The following IL17RD variants were observed in gnomAD, a reference collection of about 807,000 sequenced individuals.
The protein encoded by IL17RD is interleukin 17 receptor D.
A neutral mutation model predicts 80.5 loss-of-function variants in IL17RD; 52 were observed. That is an observed-to-expected ratio of 0.65 (90% confidence interval 0.52 to 0.81). IL17RD has a LOEUF of 0.81. Ranked by LOEUF, IL17RD falls within the 40% of genes least tolerant of loss-of-function variation. The probability of loss-of-function intolerance (pLI) is 0.00; values close to 1 mark genes in which losing one functional copy is unlikely to be tolerated. For missense variants in IL17RD, 1,024 were observed against 955.1 expected (o/e 1.07, Z -0.95); for synonymous variants, 416 against 391.8 (o/e 1.06, Z -0.73).
intron 1 of IL17RD, among the ~76,000 whole-genome samples, chr3:57,145,869 T>C (rs986689376): frequency 7.9e-5 from 12 of 152,204 alleles, no homozygotes; most frequent in African/African-American, 2.7e-4. Flanking sequence ...ATCACACATG[T>C]CACAGTGACC....
At chr3:57,117,969 T>A (rs1579280381) in intron 2 of IL17RD, among the ~76,000 whole-genome samples, 1 of 152,096 alleles carries the variant, frequency 6.6e-6, no homozygotes, top group Non-Finnish European at 1.5e-5. Context: ...GGGCCAAATA[T>A]TTGGTATTAT....
At chr3:57,147,724 T>C (rs1707961568) in intron 1 of IL17RD, among the ~76,000 whole-genome samples, 1 of 152,122 alleles carries the variant, frequency 6.6e-6, no homozygotes, top group South Asian at 2.1e-4. Flanking sequence ...CCACTAAAAG[T>C]GACATGTCTG....
intron 6 of IL17RD, 24 bp downstream of exon 6, chr3:57,106,086 A>G (rs1427454469): frequency 1.9e-6 from 3 of 1,610,940 alleles, no homozygotes; most frequent in African/African-American, 1.3e-5. Flanking sequence ...TTGAGACTTG[A>G]TAGATAAGAA....
rs1706628168 is a variant in IL17RD at position 57,094,597 on chromosome 3, G to A, written c.*1796C>T. On this transcript the variant is annotated 3_prime_UTR_variant, in exon 13 of 13. Coordinates refer to ENST00000296318, the MANE Select transcript of IL17RD (RefSeq NM_017563.5). Reference sequence around the variant, plus strand: ...ACTCCTAATGGTTCCTCTGGGACAGGAAACATCTCTTGGCCTCAATAAGAA... The same window carrying A: ...ACTCCTAATGGTTCCTCTGGGACAGAAAACATCTCTTGGCCTCAATAAGAA... The A allele has an allele frequency of 6.6e-6, 1 of 152,166 alleles. No homozygotes were observed. The allele number at this position is 152,166 out of a possible 1,614,324, so 9.4% of individuals were successfully genotyped here.
intron 2 of IL17RD, among the ~76,000 whole-genome samples, chr3:57,115,837 A>G (rs1402540615): frequency 6.6e-6 from 1 of 152,288 alleles, no homozygotes; most frequent in African/African-American, 2.4e-5. Context: ...ACCCCTCTGA[A>G]GCCAGGGTGT....
chr3:57,109,257 TCCTGCCTTAGCCTCCCGAGTAGTG>T (rs1707036799), intron 5 of IL17RD, among the ~76,000 whole-genome samples: 1 of 152,126 alleles, frequency 6.6e-6, no homozygotes, highest in African/African-American at 2.4e-5. Flanking sequence ...CAAGCAATTC[TCCTGCCTTAGCCTCCCGAGTAGTG>T]GGATTACAGG....
rs762329703 is a variant in IL17RD, at chr3:57,103,076, C to CA, written c.868+14dup. On this transcript the variant is annotated intron_variant, in intron 9 of 12. Coordinates refer to ENST00000296318, the MANE Select transcript of IL17RD (RefSeq NM_017563.5). ...TAGTAGTCTAGAGCCAAATTTCAAA[C>CA]AAAAAAGCACCTACCTGGCTTTAAG... 1 of 1,581,584 alleles carries CA rather than the reference C, an allele frequency of 6.3e-7. No homozygotes were observed.
In IL17RD at chr3:57,094,279, C is replaced by T. The variant is rs1463643649; in HGVS notation, c.*2114G>A. On this transcript the variant is annotated 3_prime_UTR_variant, in exon 13 of 13. Coordinates refer to ENST00000296318, the MANE Select transcript of IL17RD (RefSeq NM_017563.5). ...TTCTCAATTTATTCTGAGGCAATCACACTATGGTTTCATTACTCGGTATAT... is the reference window on the plus strand; with the variant it reads ...TTCTCAATTTATTCTGAGGCAATCATACTATGGTTTCATTACTCGGTATAT... The T allele has an allele frequency of 6.6e-6, 1 of 152,174 alleles. No individual in the cohort carries two copies. The highest frequency in any genetic ancestry group is 1.9e-4 in the East Asian group (1 of 5,202). 9.4% of individuals were successfully genotyped at this position (152,174 alleles called of 1,614,324 possible). A position where few individuals can be genotyped will look rare whatever the true frequency, so the allele number is the denominator to read the frequency against.
At chr3:57,099,118 C>CA (rs1302334095) in intron 11 of IL17RD, among the ~76,000 whole-genome samples, 1 of 152,238 alleles carries the variant, frequency 6.6e-6, no homozygotes, top group Non-Finnish European at 1.5e-5. Flanking sequence ...TCGACACTCT[C>CA]ATAGCCTCAG....
intron 1 of IL17RD, chr3:57,164,928 C>T: frequency 7.8e-7 from 1 of 1,280,246 alleles, no homozygotes; most frequent in Non-Finnish European, 9.9e-7. Context: ...GGCCGCACCT[C>T]ATTAGCAACA....
At chr3:57,100,385 T>C (rs1456984433) in intron 11 of IL17RD, among the ~76,000 whole-genome samples, 1 of 152,236 alleles carries the variant, frequency 6.6e-6, no homozygotes, top group East Asian at 1.9e-4. Flanking sequence ...TATTGTACAG[T>C]TCTTGCATTT....
At chr3:57,163,790 G>C (rs1432731141) in intron 1 of IL17RD, among the ~76,000 whole-genome samples, 1 of 104,318 alleles carries the variant, frequency 9.6e-6, no homozygotes, top group Admixed American at 8.9e-5. Context: ...TGGGGCGGGG[G>C]GGCGGGGGGG....
chr3:57,117,153 A>T (rs1472249418), intron 2 of IL17RD, among the ~76,000 whole-genome samples: 1 of 142,560 alleles, frequency 7.0e-6, no homozygotes, highest in Non-Finnish European at 1.5e-5. Flanking sequence ...TCGCTCTGTC[A>T]CCCAGGCTGG....
chr3:57,093,089 C>A lies in IL17RD; in HGVS notation c.*3304G>T, dbSNP rs1462137990. The A allele has an allele frequency of 6.6e-6, 1 of 152,084 alleles. No individual in the cohort carries two copies. Among genetic ancestry groups the A allele is most frequent in the Non-Finnish European group, 1.5e-5 (1 of 68,022 alleles). The allele number at this position is 152,084 out of a possible 1,614,324, so 9.4% of individuals were successfully genotyped here. The stretch of plus-strand genomic sequence containing the variant: ...TTACCCACTGTGGGTGGAACAGGGG[C>A]GCTTCAGTTTGCCACAGTCCCCACC... On this transcript the variant is annotated 3_prime_UTR_variant, in exon 13 of 13. Coordinates refer to ENST00000296318, the MANE Select transcript of IL17RD (RefSeq NM_017563.5).
intron 1 of IL17RD, among the ~76,000 whole-genome samples, chr3:57,122,472 C>T (rs907860325): frequency 1.3e-5 from 2 of 152,206 alleles, no homozygotes; most frequent in African/African-American, 2.4e-5. Context: ...ACCTGAGCTC[C>T]GACTCCTGTC....
chr3:57,112,902 T>C (rs1707130761), intron 3 of IL17RD, among the ~76,000 whole-genome samples: 2 of 152,260 alleles, frequency 1.3e-5, no homozygotes, highest in South Asian at 4.1e-4. Context: ...AACCAGGTTC[T>C]GATCATGGTA....
chr3:57,149,082 C>A (rs1209613999), intron 1 of IL17RD, among the ~76,000 whole-genome samples: 1 of 152,104 alleles, frequency 6.6e-6, no homozygotes, highest in Non-Finnish European at 1.5e-5. Flanking sequence ...GAGGCCAAGG[C>A]GGGCCGATCA....
At chr3:57,119,768 C>T (rs1350747780) in intron 2 of IL17RD, among the ~76,000 whole-genome samples, 1 of 152,112 alleles carries the variant, frequency 6.6e-6, no homozygotes, top group Non-Finnish European at 1.5e-5. Flanking sequence ...AAAATGTTTA[C>T]ACAAAAAGCA....
chr3:57,133,703 T>G (rs142987249), intron 1 of IL17RD, among the ~76,000 whole-genome samples: 1 of 152,134 alleles, frequency 6.6e-6, no homozygotes, highest in East Asian at 1.9e-4. Context: ...CAAGGAGTGG[T>G]ATAGAGAGGT....
Sources: allele counts gnomAD v4.1 joint callset (sites outside exome capture counted in the v4.1 genomes callset), GRCh38; gene constraint gnomAD v4.1.1; transcripts MANE v1.5; gene names NCBI Gene and HGNC (gene_info 2026-07-23, HGNC 2026-07-21).